Variants in ABHD12 observed in about 807,000 individuals in gnomAD.
ABHD12 encodes the protein abhydrolase domain containing 12, lysophospholipase.
A neutral mutation model predicts 58.3 loss-of-function variants in ABHD12; 43 were observed. That is an observed-to-expected ratio of 0.74 (90% CI 0.58 to 0.95). ABHD12 has a LOEUF of 0.95. Among genes scored for constraint, ABHD12 ranks in the 40% least tolerant of loss-of-function variants. ABHD12 has a pLI of 0.00. For missense variants in ABHD12, 539 were observed against 537.2 expected (o/e 1.00, Z -0.03); for synonymous variants, 219 against 211.2 (o/e 1.04, Z -0.32).
chr20:25,303,258 A>G, intron 11 of ABHD12: 2 of 1,262,920 alleles, frequency 1.6e-6, no homozygotes, highest in Non-Finnish European at 2.0e-6. Context: ...GCCCACTCTG[A>G]TAACCCCTGT....
At chr20:25,360,916 G>A (rs1025899259) in intron 1 of ABHD12, among the ~76,000 whole-genome samples, 3 of 152,242 alleles carry the variant, frequency 2.0e-5, no homozygotes, top group Non-Finnish European at 4.4e-5. Flanking sequence ...TTTATTCTCT[G>A]CAGAGGGTAA....
chr20:25,379,072 T>A (rs2089992577), intron 1 of ABHD12, among the ~76,000 whole-genome samples: 1 of 152,176 alleles, frequency 6.6e-6, no homozygotes, highest in Non-Finnish European at 1.5e-5. Flanking sequence ...TGTCATGACC[T>A]CAGTTCATGT....
At chr20:25,299,488 T>TATGTA (rs2088599975), downstream of ABHD12, among the ~76,000 whole-genome samples, 1 of 147,468 alleles carries the variant, frequency 6.8e-6, no homozygotes, top group South Asian at 2.1e-4. Context: ...GTAGCTTACA[T>TATGTA]AGACCAAAAA....
At chr20:25,295,262 T>C (rs977218746), downstream of ABHD12, among the ~76,000 whole-genome samples, 6 of 152,226 alleles carry the variant, frequency 3.9e-5, no homozygotes, top group Admixed American at 1.3e-4. Flanking sequence ...GGCGGCGCCA[T>C]GGGCTCTCCA....
At chr20:25,349,152 A>C (rs2089564572) in intron 1 of ABHD12, among the ~76,000 whole-genome samples, 1 of 152,212 alleles carries the variant, frequency 6.6e-6, no homozygotes, top group South Asian at 2.1e-4. Flanking sequence ...GGGGAAAATA[A>C]GAGAGCACAT....
At chr20:25,381,307 TGA>T (rs2090018870) in intron 1 of ABHD12, among the ~76,000 whole-genome samples, 1 of 152,212 alleles carries the variant, frequency 6.6e-6, no homozygotes, top group Non-Finnish European at 1.5e-5. Context: ...CCTAAGCACA[TGA>T]CATCATGTGT....
chr20:25,337,071 G>A (rs377523331), intron 2 of ABHD12, among the ~76,000 whole-genome samples: 17 of 152,184 alleles, frequency 1.1e-4, no homozygotes, highest in African/African-American at 4.1e-4. Context: ...AGGCCAGCCT[G>A]GGCAACATGG....
At chr20:25,335,767 T>G (rs1353296481) in intron 2 of ABHD12, among the ~76,000 whole-genome samples, 1 of 141,004 alleles carries the variant, frequency 7.1e-6, no homozygotes, top group Non-Finnish European at 1.5e-5. Context: ...TGAGAACACA[T>G]GGACACAGGA....
intron 3 of ABHD12, 61 bp downstream of exon 3, chr20:25,323,264 G>T: frequency 2.0e-6 from 2 of 1,014,382 alleles, no homozygotes; most frequent in Non-Finnish European, 3.2e-6. Context: ...GACAGCACCA[G>T]CTCAGTCATG....
At chr20:25,388,780 A>ATTTT (rs1372030724) in intron 1 of ABHD12, among the ~76,000 whole-genome samples, 3 of 105,928 alleles carry the variant, frequency 2.8e-5, no homozygotes, top group Admixed American at 1.1e-4. Flanking sequence ...AAACAATTTG[A>ATTTT]TTTTTTCTTT....
chr20:25,351,712 A>C (rs2146064559), intron 1 of ABHD12, among the ~76,000 whole-genome samples: 1 of 152,270 alleles, frequency 6.6e-6, no homozygotes, highest in African/African-American at 2.4e-5. Context: ...TTGGGACCTG[A>C]CCAACATGGA....
intron 1 of ABHD12, among the ~76,000 whole-genome samples, chr20:25,352,442 C>T (rs370987630): frequency 6.6e-6 from 1 of 151,984 alleles, no homozygotes; most frequent in Admixed American, 6.6e-5. Flanking sequence ...GCACGTGCCA[C>T]CACACCTGGC....
chr20:25,369,399 T>C (rs2089868869), intron 1 of ABHD12, among the ~76,000 whole-genome samples: 1 of 152,200 alleles, frequency 6.6e-6, no homozygotes, highest in Admixed American at 6.5e-5. Context: ...AGCTTATTTC[T>C]TCCTCTAGCT....
intron 1 of ABHD12, among the ~76,000 whole-genome samples, chr20:25,358,986 AAT>A (rs2089704428): frequency 6.6e-6 from 1 of 152,198 alleles, no homozygotes; most frequent in African/African-American, 2.4e-5. Flanking sequence ...AAATGTTAAC[AAT>A]AGTTACTGTT....
intron 4 of ABHD12, among the ~76,000 whole-genome samples, chr20:25,317,346 A>G (rs961499412): frequency 1.3e-5 from 2 of 152,164 alleles, no homozygotes; most frequent in Admixed American, 1.3e-4. Context: ...GAAAGACACT[A>G]AAGGAAACAC....
intron 1 of ABHD12, among the ~76,000 whole-genome samples, chr20:25,345,812 G>A (rs2089510341): frequency 6.6e-6 from 1 of 152,140 alleles, no homozygotes; most frequent in Non-Finnish European, 1.5e-5. Context: ...TGGAGCAACA[G>A]GAATTCTCAT....
rs2089856993 is a variant in ABHD12 at position 25,368,634 on chromosome 20, T to A, written c.191+21879A>T. 4 of 1,375,668 alleles carry A rather than the reference T, an allele frequency of 2.9e-6. No homozygotes were observed. The Admixed American group carries it at 6.7e-5, about 23-fold the overall frequency. 85.2% of individuals were successfully genotyped at this position (1,375,668 alleles called of 1,614,324 possible). A position where few individuals can be genotyped will look rare whatever the true frequency, so the allele number is the denominator to read the frequency against. ...GAAAGCGGAAACCCTTAAAACCAAA[T>A]CCTTTCTCGCCAGTGCTCAGAGCAT... On this transcript the variant is annotated intron_variant, in intron 1 of 12. Transcript: ENST00000339157.
chr20:25,353,071 C>A (rs150056095), intron 1 of ABHD12, among the ~76,000 whole-genome samples: 1 of 152,142 alleles, frequency 6.6e-6, no homozygotes, highest in Non-Finnish European at 1.5e-5. Context: ...GCAGCTCTAT[C>A]GCCACCACAG....
At chr20:25,348,622 G>T (rs533925952) in intron 1 of ABHD12, among the ~76,000 whole-genome samples, 1 of 151,488 alleles carries the variant, frequency 6.6e-6, no homozygotes, top group South Asian at 2.1e-4. Context: ...ACAAAGCAAG[G>T]CTCCATCTCA....
Sources: allele counts gnomAD v4.1 joint callset (sites outside exome capture counted in the v4.1 genomes callset), GRCh38; gene constraint gnomAD v4.1.1; transcripts MANE v1.5; gene names NCBI Gene and HGNC (gene_info 2026-07-23, HGNC 2026-07-21).